Variants in EBF1 observed in about 807,000 individuals in gnomAD.
EBF1 encodes the protein transcription factor COE1.
Under a neutral mutation model 68.4 loss-of-function variants are expected in EBF1, and 10 were observed. That is an observed-to-expected ratio of 0.15 (90% CI 0.09 to 0.25). The LOEUF is 0.25. EBF1 is among the 10% of genes least tolerant of loss of function. The pLI, the probability that EBF1 is intolerant of heterozygous loss-of-function variation, is 1.00. For missense variants in EBF1, 509 were observed against 794.4 expected (o/e 0.64, Z 4.32); for synonymous variants, 298 against 299.8 (o/e 0.99, Z 0.06).
At chr5:158,752,938 C>A (rs991739330) in intron 10 of EBF1, among the ~76,000 whole-genome samples, 3 of 151,986 alleles carry the variant, frequency 2.0e-5, no homozygotes, top group African/African-American at 7.2e-5. Flanking sequence ...CAATTTCCTA[C>A]AAATTGCACA....
intron 6 of EBF1, among the ~76,000 whole-genome samples, chr5:158,971,275 T>C (rs1755595244): frequency 6.6e-6 from 1 of 152,216 alleles, no homozygotes; most frequent in Admixed American, 6.5e-5. Flanking sequence ...ATTGATCTGA[T>C]TTCCATGGGT....
At chr5:158,978,686 A>G (rs1583622710) in intron 6 of EBF1, among the ~76,000 whole-genome samples, 1 of 151,990 alleles carries the variant, frequency 6.6e-6, no homozygotes, top group South Asian at 2.1e-4. Context: ...GTCTAAAAAC[A>G]TATGAGGGCA....
intron 6 of EBF1, among the ~76,000 whole-genome samples, chr5:158,915,383 T>A (rs754422094): frequency 1.3e-4 from 20 of 152,156 alleles, no homozygotes; most frequent in Non-Finnish European, 4.4e-5. Flanking sequence ...GAAACAATAG[T>A]CAGAGGATAA....
chr5:158,723,044 C>G (rs1035723665), intron 11 of EBF1, among the ~76,000 whole-genome samples: 1 of 152,140 alleles, frequency 6.6e-6, no homozygotes, highest in South Asian at 2.1e-4. Flanking sequence ...AAAAGGAACT[C>G]GAAAGAGTTC....
chr5:158,803,935 G>A (rs997474399), intron 8 of EBF1, among the ~76,000 whole-genome samples: 1 of 136,868 alleles, frequency 7.3e-6, no homozygotes, highest in African/African-American at 2.8e-5. Context: ...ATATGAAAAA[G>A]AGTCGTGTGT....
At chr5:158,811,326 A>T (rs1782618690) in intron 8 of EBF1, among the ~76,000 whole-genome samples, 1 of 152,178 alleles carries the variant, frequency 6.6e-6, no homozygotes, top group Non-Finnish European at 1.5e-5. Context: ...TGAAGCAAGT[A>T]TTATATTACA....
intron 7 of EBF1, among the ~76,000 whole-genome samples, chr5:158,838,833 A>G (rs1188362737): frequency 1.3e-5 from 2 of 152,258 alleles, no homozygotes; most frequent in East Asian, 1.9e-4. Context: ...CCATATGAGC[A>G]TACATAAATG....
chr5:158,707,800 A>G (rs973436907), intron 15 of EBF1, among the ~76,000 whole-genome samples, 179 bp downstream of exon 15: 9 of 152,280 alleles, frequency 5.9e-5, no homozygotes, highest in African/African-American at 1.9e-4. Context: ...AGTATGGCCA[A>G]GGGCCAAGGG....
intron 6 of EBF1, among the ~76,000 whole-genome samples, chr5:158,997,065 T>G (rs2127629681): frequency 6.6e-6 from 1 of 152,124 alleles, no homozygotes; most frequent in East Asian, 1.9e-4. Context: ...TCACATCCAA[T>G]CTCCCTCCTC....
intron 11 of EBF1, among the ~76,000 whole-genome samples, chr5:158,714,664 T>G (rs146860364): frequency 2.6e-5 from 4 of 152,180 alleles, no homozygotes; most frequent in Non-Finnish European, 5.9e-5. Context: ...TTTATCTCTC[T>G]TGGATGGTAG....
chr5:159,050,196 C>CTTT, intron 6 of EBF1, among the ~76,000 whole-genome samples: 1 of 149,876 alleles, frequency 6.7e-6, no homozygotes, highest in South Asian at 2.2e-4. Flanking sequence ...TCTTTTCTCT[C>CTTT]TCTCTCCTCT....
chr5:159,079,880 G>T lies in EBF1; in HGVS notation c.485+4786C>A, dbSNP rs1047873232. 3.3e-5 allele frequency among the ~76,000 whole-genome samples: 5 copies of T among 152,124 alleles called. 1 individual carries two copies. Among genetic ancestry groups the T allele is most frequent in the Admixed American group, 1.3e-4 (2 of 15,296 alleles). On this transcript the variant is annotated intron_variant, in intron 5 of 15. Coordinates refer to ENST00000313708, the MANE Select transcript of EBF1 (RefSeq NM_024007.5). ...TCTGCCCACCTCGGCCTCCCATAAT[G>T]CTGGGATTACAGACATGAGCCACCG...
At chr5:159,060,984 C>T (rs1028452175) in intron 6 of EBF1, among the ~76,000 whole-genome samples, 4 of 150,462 alleles carry the variant, frequency 2.7e-5, no homozygotes, top group African/African-American at 9.9e-5. Context: ...ACCCCTCAGC[C>T]ATCTATGAGA....
At chr5:158,827,775 G>C (rs887949884) in intron 7 of EBF1, among the ~76,000 whole-genome samples, 3 of 152,190 alleles carry the variant, frequency 2.0e-5, no homozygotes, top group Non-Finnish European at 2.9e-5. Context: ...TGGGGAAGAA[G>C]GGGTTATGAC....
chr5:158,834,374 T>TCCC lies in EBF1; in HGVS notation c.636+5652_636+5654dup, dbSNP rs575160048. ...TGAGCTATTTCCATCCCCAGCTTGC[T>TCCC]CCCCTTCTCTTTCCTCCAGCCTTCC... On this transcript the variant is annotated intron_variant, in intron 7 of 15. Transcript: ENST00000313708. Among the ~76,000 whole-genome samples the TCCC allele has an allele frequency of 4.7e-3, 710 of 152,230 alleles. 4 individuals are homozygous for TCCC. Among genetic ancestry groups the TCCC allele is most frequent in the Middle Eastern group, 0.024 (7 of 294 alleles).
chr5:158,810,756 T>A (rs1377310621), intron 8 of EBF1, among the ~76,000 whole-genome samples: 1 of 152,214 alleles, frequency 6.6e-6, no homozygotes, highest in African/African-American at 2.4e-5. Context: ...TGCTTAGCGT[T>A]CAGATATGCA....
At chr5:158,851,959 GC>G (rs1224476377) in intron 6 of EBF1, among the ~76,000 whole-genome samples, 20 of 29,764 alleles carry the variant, frequency 6.7e-4, no homozygotes, top group African/African-American at 3.1e-3. Context: ...GGAGGGGAAG[GC>G]AGGGAAGGGT....
At chr5:159,099,262 AGCT>A (rs1282527994) in intron 1 of EBF1, 80 bp downstream of exon 1, 1 of 1,185,312 alleles carries the variant, frequency 8.4e-7, no homozygotes, top group Non-Finnish European at 1.1e-6. Flanking sequence ...CCGCGGCAGC[AGCT>A]GCCGCTGCCG....
At chr5:158,969,600 CAAAAAAAAA>C (rs61084099) in intron 6 of EBF1, among the ~76,000 whole-genome samples, 1 of 49,210 alleles carries the variant, frequency 2.0e-5, no homozygotes, top group Non-Finnish European at 4.0e-5. Context: ...CCCATCTCTA[CAAAAAAAAA>C]AAAAAAAAAG....
Sources: allele counts gnomAD v4.1 joint callset (sites outside exome capture counted in the v4.1 genomes callset), GRCh38; gene constraint gnomAD v4.1.1; transcripts MANE v1.5; gene names NCBI Gene and HGNC (gene_info 2026-07-23, HGNC 2026-07-21).